Variants in NTRK3 observed in about 807,000 individuals in gnomAD.
NTRK3 encodes neurotrophic receptor tyrosine kinase 3.
A neutral mutation model predicts 91.7 loss-of-function variants in NTRK3; 24 were observed. That is an observed-to-expected ratio of 0.26 (90% CI 0.19 to 0.37). NTRK3 has a LOEUF of 0.37. NTRK3 is among the 10% of genes least tolerant of loss of function. The pLI is 1.00. For synonymous variants in NTRK3, 483 were observed against 404.0 expected (o/e 1.20, Z -2.34); for missense variants, 880 against 1,068.9 (o/e 0.82, Z 2.46).
chr15:87,938,054 A>G (rs1210027161), intron 15 of NTRK3, among the ~76,000 whole-genome samples: 1 of 152,048 alleles, frequency 6.6e-6, no homozygotes. Flanking sequence ...TGCTGTGTAA[A>G]TGTTCTATTT....
At chr15:88,076,302 C>G (rs988500027) in intron 13 of NTRK3, among the ~76,000 whole-genome samples, 5 of 152,142 alleles carry the variant, frequency 3.3e-5, no homozygotes, top group African/African-American at 1.2e-4. Flanking sequence ...AAAACCCACT[C>G]CCATGATTCA....
At chr15:87,990,976 T>C (rs2141486376) in intron 14 of NTRK3, among the ~76,000 whole-genome samples, 2 of 152,308 alleles carry the variant, frequency 1.3e-5, no homozygotes, top group South Asian at 4.1e-4. Flanking sequence ...TACATTCCCA[T>C]AATCCAAGTT....
intron 14 of NTRK3, among the ~76,000 whole-genome samples, chr15:88,028,391 C>G (rs571081126): frequency 1.3e-5 from 2 of 152,088 alleles, no homozygotes; most frequent in Non-Finnish European, 2.9e-5. Context: ...GAAAGTGACT[C>G]GGATGCTAAG....
chr15:88,086,999 C>T (rs1444631758), intron 13 of NTRK3, among the ~76,000 whole-genome samples: 1 of 152,200 alleles, frequency 6.6e-6, no homozygotes, highest in Non-Finnish European at 1.5e-5. Flanking sequence ...CCAAGGGGAC[C>T]CAGCTCAAAA....
At chr15:88,206,885 C>A (rs1360947907) in intron 3 of NTRK3, among the ~76,000 whole-genome samples, 1 of 152,148 alleles carries the variant, frequency 6.6e-6, no homozygotes, top group Non-Finnish European at 1.5e-5. Flanking sequence ...GTGCTTCTCC[C>A]TGAGACTGTC....
chr15:88,215,290 C>T lies in NTRK3; in HGVS notation c.249-30991G>A, dbSNP rs78685640. 4.7e-3 allele frequency among the ~76,000 whole-genome samples: 720 copies of T among 152,346 alleles called. 9 individuals are homozygous for T. The highest frequency in any genetic ancestry group is 0.016 in the African/African-American group (681 of 41,578). On this transcript the variant is annotated intron_variant, in intron 3 of 18. Coordinates refer to ENST00000394480, the Ensembl canonical transcript of NTRK3. Reference sequence around the variant, plus strand: ...ACGCTTGGGGGTTGGAGAAGGAAAGCAGCTGTCACCCGGGATGGACCTAAG... The same window carrying T: ...ACGCTTGGGGGTTGGAGAAGGAAAGTAGCTGTCACCCGGGATGGACCTAAG...
chr15:88,134,351 C>G (rs922925970), intron 10 of NTRK3, among the ~76,000 whole-genome samples: 1 of 152,186 alleles, frequency 6.6e-6, no homozygotes, highest in Non-Finnish European at 1.5e-5. Context: ...TTAGCCCAGA[C>G]AGAGAAAGAC....
intron 3 of NTRK3, among the ~76,000 whole-genome samples, chr15:88,236,639 G>A (rs1369759590): frequency 1.4e-5 from 2 of 145,364 alleles, no homozygotes; most frequent in African/African-American, 5.1e-5. Flanking sequence ...AGACTCAGAA[G>A]GGGAAGGACG....
chr15:88,197,835 C>T (rs2047962890), intron 3 of NTRK3, among the ~76,000 whole-genome samples: 1 of 152,156 alleles, frequency 6.6e-6, no homozygotes, highest in Admixed American at 6.5e-5. Flanking sequence ...ATGCCGTCTC[C>T]CCTCTGGTTC....
chr15:88,145,174 A>G (rs543293531), intron 6 of NTRK3, among the ~76,000 whole-genome samples: 105 of 152,288 alleles, frequency 6.9e-4, no homozygotes, highest in Admixed American at 1.0e-3. Context: ...AGACAAGAAA[A>G]TACTACCCCC....
intron 5 of NTRK3, among the ~76,000 whole-genome samples, chr15:88,169,286 G>A (rs951109447): frequency 2.0e-5 from 3 of 152,198 alleles, no homozygotes; most frequent in African/African-American, 7.2e-5. Flanking sequence ...TGTTTAATCA[G>A]CCTCCTTGCA....
intron 13 of NTRK3, among the ~76,000 whole-genome samples, chr15:88,123,414 C>A (rs186125051): frequency 2.6e-5 from 4 of 152,152 alleles, no homozygotes; most frequent in African/African-American, 7.2e-5. Context: ...CTTCTGGTAC[C>A]GGTGTCATCA....
intron 3 of NTRK3, among the ~76,000 whole-genome samples, chr15:88,213,564 G>A (rs529706398): frequency 6.6e-6 from 1 of 152,336 alleles, no homozygotes; most frequent in Non-Finnish European, 1.5e-5. Context: ...GAGCTCTGTG[G>A]TTCAGAAGCG....
chr15:87,945,397 G>A (rs531171569), intron 14 of NTRK3, among the ~76,000 whole-genome samples: 4 of 152,316 alleles, frequency 2.6e-5, no homozygotes, highest in African/African-American at 9.6e-5. Flanking sequence ...TCTCTGTAGT[G>A]GGGACCAAGA....
At chr15:87,978,862 CA>C (rs1301079364) in intron 14 of NTRK3, 3 of 261,928 alleles carry the variant, frequency 1.1e-5, no homozygotes, top group Non-Finnish European at 2.2e-5. Context: ...GACTCTTCCC[CA>C]CTGGAGGTTG....
At chr15:87,941,432 C>G (rs930651358) in intron 14 of NTRK3, among the ~76,000 whole-genome samples, 1 of 151,874 alleles carries the variant, frequency 6.6e-6, no homozygotes, top group Non-Finnish European at 1.5e-5. Flanking sequence ...AAAGTAAAGA[C>G]GTAGAAGACA....
intron 14 of NTRK3, among the ~76,000 whole-genome samples, chr15:87,999,711 C>A (rs928667305): frequency 2.2e-4 from 34 of 152,138 alleles, no homozygotes; most frequent in African/African-American, 8.2e-4. Context: ...CTACATCTTT[C>A]AGACTTAGGA....
intron 14 of NTRK3, among the ~76,000 whole-genome samples, chr15:87,997,634 A>C (rs889762625): frequency 6.6e-6 from 1 of 152,240 alleles, no homozygotes; most frequent in African/African-American, 2.4e-5. Flanking sequence ...CAAGTGTCAA[A>C]TGTGATCAAG....
At chr15:87,901,716 C>T (rs1468843508) in intron 17 of NTRK3, among the ~76,000 whole-genome samples, 1 of 146,184 alleles carries the variant, frequency 6.8e-6, no homozygotes, top group Non-Finnish European at 1.5e-5. Context: ...CTACTATTAT[C>T]GACAGCATTG....
Sources: allele counts gnomAD v4.1 joint callset (sites outside exome capture counted in the v4.1 genomes callset), GRCh38; gene constraint gnomAD v4.1.1; transcripts MANE v1.5; gene names NCBI Gene and HGNC (gene_info 2026-07-23, HGNC 2026-07-21).